Variants in FHIT observed in about 807,000 individuals in gnomAD.
The protein encoded by FHIT is bis(5'-adenosyl)-triphosphatase.
In FHIT, 19 loss-of-function variants were observed where a neutral mutation model predicts 17.9. The observed-to-expected ratio is 1.06, with a 90% CI of 0.74 to 1.56. The LOEUF (loss-of-function observed/expected upper bound fraction) is 1.56, where lower values mean the gene tolerates loss of function less well. Among genes scored for constraint, FHIT ranks in the 40% most tolerant of loss-of-function variants. FHIT has a pLI of 0.00. For synonymous variants in FHIT, 81 were observed against 69.7 expected (o/e 1.16, Z -0.81); for missense variants, 248 against 189.2 (o/e 1.31, Z -1.82).
chr3:60,597,677 A>C (rs1361067732), intron 4 of FHIT, among the ~76,000 whole-genome samples: 1 of 152,164 alleles, frequency 6.6e-6, no homozygotes, highest in Non-Finnish European at 1.5e-5. Context: ...TGAACATGGG[A>C]GGGTAACTCA....
intron 4 of FHIT, among the ~76,000 whole-genome samples, chr3:60,635,471 C>A (rs1420261693): frequency 2.6e-5 from 4 of 152,180 alleles, no homozygotes; most frequent in Non-Finnish European, 5.9e-5. Flanking sequence ...AACCCCCCAA[C>A]CACACTACCC....
At chr3:59,883,856 T>C (rs1347060998) in intron 8 of FHIT, among the ~76,000 whole-genome samples, 1 of 152,208 alleles carries the variant, frequency 6.6e-6, no homozygotes, top group African/African-American at 2.4e-5. Context: ...AAAAGCATAT[T>C]GTGTCAATAG....
At chr3:60,836,259 C>T (rs1702537915) in intron 3 of FHIT, among the ~76,000 whole-genome samples, 1 of 152,030 alleles carries the variant, frequency 6.6e-6, no homozygotes. Flanking sequence ...ACTGTTTTTT[C>T]TGTTTTTCAT....
At position 60,384,044 on chromosome 3, in the gene FHIT, T is replaced by C. The variant is rs144801962; in HGVS notation, c.103+152816A>G. On this transcript the variant is annotated intron_variant, in intron 5 of 9. Transcript: ENST00000492590. The stretch of plus-strand genomic sequence containing the variant: ...CAGCACTTTGGGAGGCCGAGGTGGG[T>C]GGATCACGAGGTCAGGAGATCAAGA... Among the ~76,000 whole-genome samples the C allele has an allele frequency of 8.5e-3, 1,298 of 152,064 alleles. 23 individuals are homozygous for C. Among genetic ancestry groups the C allele is most frequent in the African/African-American group, 0.03 (1,253 of 41,498 alleles).
intron 3 of FHIT, among the ~76,000 whole-genome samples, chr3:60,837,065 A>C (rs1284127135): frequency 6.6e-6 from 1 of 152,158 alleles, no homozygotes; most frequent in Non-Finnish European, 1.5e-5. Context: ...GCCACTTTGA[A>C]GTAATCTCTG....
At chr3:60,260,947 G>T (rs772137127) in intron 5 of FHIT, among the ~76,000 whole-genome samples, 4 of 152,016 alleles carry the variant, frequency 2.6e-5, no homozygotes, top group Non-Finnish European at 5.9e-5. Context: ...AAGTCTGGAA[G>T]TTACACTATA....
At chr3:60,200,807 C>T (rs974207764) in intron 5 of FHIT, among the ~76,000 whole-genome samples, 1 of 152,158 alleles carries the variant, frequency 6.6e-6, no homozygotes, top group Admixed American at 6.5e-5. Context: ...CTTTGAAACA[C>T]CCTGACACCA....
intron 5 of FHIT, among the ~76,000 whole-genome samples, chr3:60,183,501 C>A (rs987370761): frequency 3.9e-5 from 6 of 152,198 alleles, no homozygotes; most frequent in Non-Finnish European, 7.3e-5. Flanking sequence ...CCGTGACTAA[C>A]AAGTTTGACT....
At chr3:60,621,509 A>T (rs2039128441) in intron 4 of FHIT, among the ~76,000 whole-genome samples, 1 of 151,778 alleles carries the variant, frequency 6.6e-6, no homozygotes, top group African/African-American at 2.4e-5. Flanking sequence ...TCAAACATAA[A>T]TGGAACATTT....
intron 4 of FHIT, among the ~76,000 whole-genome samples, chr3:60,580,163 A>G (rs1553659201): frequency 6.6e-6 from 1 of 152,138 alleles, no homozygotes; most frequent in Non-Finnish European, 1.5e-5. Flanking sequence ...ATTTCAAGCA[A>G]AACCTATAGA....
At chr3:59,990,819 C>A (rs9311743) in intron 7 of FHIT, among the ~76,000 whole-genome samples, 1 of 152,036 alleles carries the variant, frequency 6.6e-6, no homozygotes. Flanking sequence ...AGAGGCAAGA[C>A]TGCTCACTCA....
At chr3:61,244,462 T>C (rs1016829767) in intron 1 of FHIT, among the ~76,000 whole-genome samples, 5 of 152,144 alleles carry the variant, frequency 3.3e-5, no homozygotes, top group African/African-American at 1.2e-4. Context: ...ATGAAATATA[T>C]CTATTTGCCC....
chr3:60,741,666 C>G (rs1298615950), intron 4 of FHIT, among the ~76,000 whole-genome samples: 1 of 152,198 alleles, frequency 6.6e-6, no homozygotes, highest in Non-Finnish European at 1.5e-5. Flanking sequence ...GGTCACTTTG[C>G]CTGAAATGCC....
intron 5 of FHIT, among the ~76,000 whole-genome samples, chr3:60,347,173 A>C (rs759296356): frequency 6.6e-6 from 1 of 152,172 alleles, no homozygotes; most frequent in Non-Finnish European, 1.5e-5. Flanking sequence ...TCAGCAGAAA[A>C]GTAGTAAAGA....
intron 5 of FHIT, among the ~76,000 whole-genome samples, chr3:60,123,098 A>G (rs893051321): frequency 1.1e-4 from 16 of 152,196 alleles, no homozygotes; most frequent in African/African-American, 2.9e-4. Flanking sequence ...TTTAAAGCCT[A>G]TATTAAAGTA....
chr3:60,930,703 A>T (rs1204643028), intron 3 of FHIT, among the ~76,000 whole-genome samples: 1 of 152,224 alleles, frequency 6.6e-6, no homozygotes, highest in African/African-American at 2.4e-5. Context: ...ATCATTAAAA[A>T]GTCAGGAAAC....
chr3:60,490,544 T>C (rs1042226248), intron 5 of FHIT, among the ~76,000 whole-genome samples: 2 of 152,100 alleles, frequency 1.3e-5, no homozygotes, highest in Admixed American at 1.3e-4. Flanking sequence ...CCCAGGTGTC[T>C]CTTTTAAACC....
chr3:60,642,472 T>C (rs893363403), intron 4 of FHIT, among the ~76,000 whole-genome samples: 14 of 151,850 alleles, frequency 9.2e-5, no homozygotes, highest in African/African-American at 3.4e-4. Flanking sequence ...ACAGATTCTT[T>C]ACCCACACAC....
chr3:60,094,772 GAGGGA>G (rs917488138), intron 5 of FHIT, among the ~76,000 whole-genome samples: 5 of 151,536 alleles, frequency 3.3e-5, no homozygotes, highest in Admixed American at 2.0e-4. Flanking sequence ...GCAGGTGAGG[GAGGGA>G]AGGGAAGGGA....
Sources: allele counts gnomAD v4.1 joint callset (sites outside exome capture counted in the v4.1 genomes callset), GRCh38; gene constraint gnomAD v4.1.1; transcripts MANE v1.5; gene names NCBI Gene and HGNC (gene_info 2026-07-23, HGNC 2026-07-21).